PDE4D: variants seen among roughly 807,000 people sequenced by gnomAD.
PDE4D encodes phosphodiesterase 4D, also known as 3',5'-cyclic-AMP phosphodiesterase 4D.
In PDE4D, 24 loss-of-function variants were observed where a neutral mutation model predicts 87.4. That is an observed-to-expected ratio of 0.27 (90% CI 0.20 to 0.39). PDE4D has a LOEUF of 0.39. PDE4D is among the 10% of genes least tolerant of loss of function. The probability of loss-of-function intolerance (pLI) is 1.00; values close to 1 mark genes in which losing one functional copy is unlikely to be tolerated. For missense variants in PDE4D, 714 were observed against 1,041.0 expected, an observed-to-expected ratio of 0.69 and a Z score of 4.32; for synonymous variants, 384 against 383.2, an observed-to-expected ratio of 1.00 and a Z score of -0.02.
intron 1 of PDE4D, among the ~76,000 whole-genome samples, chr5:59,225,096 T>A (rs769688989): frequency 6.6e-6 from 1 of 152,216 alleles, no homozygotes; most frequent in African/African-American, 2.4e-5. Context: ...CCAAGACCAA[T>A]GCCATGAAAT....
intron 1 of PDE4D, among the ~76,000 whole-genome samples, chr5:59,614,025 T>C (rs1471953434): frequency 6.6e-6 from 1 of 152,182 alleles, no homozygotes; most frequent in Non-Finnish European, 1.5e-5. Flanking sequence ...CAAAAAAATA[T>C]TTTGAGTTAC....
chr5:60,084,100 T>C (rs568795599), intron 2 of PDE4D, among the ~76,000 whole-genome samples: 2 of 152,310 alleles, frequency 1.3e-5, no homozygotes, highest in South Asian at 2.1e-4. Flanking sequence ...TTTTTAGATT[T>C]TACCCATGAG....
intron 1 of PDE4D, among the ~76,000 whole-genome samples, chr5:60,519,963 G>C (rs901171673): frequency 6.6e-6 from 1 of 152,184 alleles, no homozygotes; most frequent in African/African-American, 2.4e-5. Context: ...TTAAAACCCA[G>C]AGATTCAAAA....
chr5:60,360,048 T>C (rs2149952024), intron 1 of PDE4D, among the ~76,000 whole-genome samples: 1 of 152,272 alleles, frequency 6.6e-6, no homozygotes, highest in Middle Eastern at 3.4e-3. Context: ...ACAAAGTGGG[T>C]AAGCCCCAAC....
chr5:59,532,966 C>T (rs751475123), intron 1 of PDE4D, among the ~76,000 whole-genome samples: 1 of 152,144 alleles, frequency 6.6e-6, no homozygotes, highest in Non-Finnish European at 1.5e-5. Flanking sequence ...CACCCTGCTG[C>T]CTAGAGTTTA....
intron 2 of PDE4D, among the ~76,000 whole-genome samples, chr5:60,175,576 AGTT>A (rs1196302199): frequency 6.6e-6 from 1 of 152,112 alleles, no homozygotes; most frequent in Non-Finnish European, 1.5e-5. Context: ...ATGGCTTGCC[AGTT>A]GTTATTTTCT....
chr5:60,425,934 T>C (rs1743670327), intron 1 of PDE4D, among the ~76,000 whole-genome samples: 1 of 152,102 alleles, frequency 6.6e-6, no homozygotes, highest in Non-Finnish European at 1.5e-5. Flanking sequence ...CATGAAAAAA[T>C]GCTCATCATC....
At chr5:59,872,106 T>C (rs1319253811) in intron 1 of PDE4D, among the ~76,000 whole-genome samples, 1 of 152,042 alleles carries the variant, frequency 6.6e-6, no homozygotes, top group Non-Finnish European at 1.5e-5. Flanking sequence ...GGAAGTCAAG[T>C]AGAACTAAAC....
intron 1 of PDE4D, among the ~76,000 whole-genome samples, chr5:60,519,691 G>C (rs1398855443): frequency 6.6e-6 from 1 of 152,198 alleles, no homozygotes; most frequent in African/African-American, 2.4e-5. Context: ...TTTGGTAACT[G>C]TCTCCAAAAG....
intron 1 of PDE4D, among the ~76,000 whole-genome samples, chr5:59,483,970 G>T (rs1216048430): frequency 6.6e-6 from 1 of 152,146 alleles, no homozygotes; most frequent in Non-Finnish European, 1.5e-5. Context: ...AGATTATTAT[G>T]GTCTCTGTTT....
chr5:59,982,066 C>A (rs1156979186), intron 3 of PDE4D, among the ~76,000 whole-genome samples: 1 of 152,118 alleles, frequency 6.6e-6, no homozygotes, highest in Non-Finnish European at 1.5e-5. Flanking sequence ...GTAAAATGAA[C>A]CCTTATATGA....
At chr5:59,904,753 T>A (rs111979741) in intron 3 of PDE4D, among the ~76,000 whole-genome samples, 29 of 152,310 alleles carry the variant, frequency 1.9e-4, no homozygotes, top group Non-Finnish European at 3.5e-4. Context: ...GGAACACTCA[T>A]AAACTAACTC....
intron 2 of PDE4D, among the ~76,000 whole-genome samples, chr5:60,048,874 T>A (rs970149564): frequency 7.2e-5 from 11 of 152,170 alleles, no homozygotes. Context: ...GAGTATCTTT[T>A]TGGCATTCTC....
intron 2 of PDE4D, among the ~76,000 whole-genome samples, chr5:60,124,254 G>T (rs1180392131): frequency 6.6e-6 from 1 of 151,934 alleles, no homozygotes; most frequent in Non-Finnish European, 1.5e-5. Flanking sequence ...TTAATAAAAT[G>T]CTCCCCCTAA....
intron 1 of PDE4D, among the ~76,000 whole-genome samples, chr5:60,204,432 G>A (rs1039591899): frequency 6.6e-6 from 1 of 152,136 alleles, no homozygotes; most frequent in Non-Finnish European, 1.5e-5. Context: ...AGCTCTATAC[G>A]AATGGGCATT....
intron 1 of PDE4D, among the ~76,000 whole-genome samples, chr5:59,657,909 T>A (rs903500442): frequency 1.3e-5 from 2 of 152,214 alleles, no homozygotes; most frequent in Non-Finnish European, 2.9e-5. Context: ...ATGTTTTGTG[T>A]TATTCCTCTG....
chr5:60,017,240 G>C (rs1427158499), intron 2 of PDE4D, among the ~76,000 whole-genome samples: 1 of 152,126 alleles, frequency 6.6e-6, no homozygotes, highest in Non-Finnish European at 1.5e-5. Flanking sequence ...CGGTAATACA[G>C]GCTTTGTTGT....
At chr5:60,342,469 A>G (rs1349229228) in intron 1 of PDE4D, among the ~76,000 whole-genome samples, 2 of 152,162 alleles carry the variant, frequency 1.3e-5, no homozygotes, top group Non-Finnish European at 2.9e-5. Flanking sequence ...GGGTTGTTAC[A>G]AGTTCCTATA....
intron 2 of PDE4D, among the ~76,000 whole-genome samples, chr5:59,207,836 A>G (rs1749143684): frequency 1.3e-5 from 2 of 151,882 alleles, no homozygotes. Context: ...GGAGTGAGAA[A>G]AACTCACATG....
Sources: gnomAD v4.1 joint callset for allele counts (sites outside exome capture counted in the v4.1 genomes callset) on GRCh38, gnomAD v4.1.1 for gene constraint, MANE v1.5 for transcripts, NCBI Gene and HGNC (gene_info 2026-07-23, HGNC 2026-07-21) for gene names.